Variants in CDK14 observed in about 807,000 individuals in gnomAD.
The protein encoded by CDK14 is cyclin dependent kinase 14.
In CDK14, 34 loss-of-function variants were observed where a neutral mutation model predicts 60.7. The observed-to-expected ratio is 0.56, with a 90% CI of 0.43 to 0.75. The LOEUF is 0.75. CDK14 is among the 30% of genes least tolerant of loss of function. The pLI, the probability that CDK14 is intolerant of heterozygous loss-of-function variation, is 0.00. For missense variants in CDK14, 482 were observed against 564.1 expected (o/e 0.85, Z 1.47); for synonymous variants, 197 against 203.7 (o/e 0.97, Z 0.28).
At chr7:91,009,868 A>G (rs1562866814) in intron 10 of CDK14, among the ~76,000 whole-genome samples, 1 of 152,152 alleles carries the variant, frequency 6.6e-6, no homozygotes, top group Non-Finnish European at 1.5e-5. Context: ...CCATGGTCAC[A>G]AAGATTTTCT....
At chr7:90,785,998 T>C (rs1356817522) in intron 4 of CDK14, among the ~76,000 whole-genome samples, 1 of 152,190 alleles carries the variant, frequency 6.6e-6, no homozygotes, top group Non-Finnish European at 1.5e-5. Flanking sequence ...CCATGTCCTG[T>C]GCATGGAGAT....
At chr7:90,886,641 A>G (rs553457390) in intron 6 of CDK14, among the ~76,000 whole-genome samples, 98 of 152,288 alleles carry the variant, frequency 6.4e-4, no homozygotes, top group African/African-American at 2.3e-3. Context: ...TTCACTGACT[A>G]CCTAACAAGA....
intron 2 of CDK14, among the ~76,000 whole-genome samples, chr7:90,651,364 G>A (rs1005129): frequency 0.76 from 115,666 of 151,792 alleles, 44,666 homozygotes; most frequent in East Asian, 0.96. Flanking sequence ...TTCCACTTAA[G>A]GTTCTAATAC....
At chr7:90,801,068 A>C (rs1788613669) in intron 5 of CDK14, among the ~76,000 whole-genome samples, 1 of 152,202 alleles carries the variant, frequency 6.6e-6, no homozygotes. Flanking sequence ...CCCCATTTGC[A>C]AATAAGGTCA....
chr7:90,822,434 C>T (rs1186160663), intron 5 of CDK14, among the ~76,000 whole-genome samples: 3 of 152,168 alleles, frequency 2.0e-5, no homozygotes, highest in Non-Finnish European at 4.4e-5. Flanking sequence ...CTCCTCTTAT[C>T]TCACTTTAGT....
At chr7:91,195,091 C>A (rs189283174) in intron 14 of CDK14, among the ~76,000 whole-genome samples, 3 of 152,168 alleles carry the variant, frequency 2.0e-5, no homozygotes, top group Non-Finnish European at 4.4e-5. Context: ...TTGTTTTATA[C>A]CAGGAGGAAA....
chr7:90,735,609 G>A (rs1803064174), intron 3 of CDK14, among the ~76,000 whole-genome samples: 3 of 152,216 alleles, frequency 2.0e-5, no homozygotes, highest in Admixed American at 2.0e-4. Flanking sequence ...CCTTCCCGAT[G>A]GCTTTGTTTA....
intron 2 of CDK14, among the ~76,000 whole-genome samples, chr7:90,691,550 G>T (rs576641993): frequency 6.6e-6 from 1 of 152,106 alleles, no homozygotes; most frequent in African/African-American, 2.4e-5. Context: ...ATTGCACAGG[G>T]CCTTGTAGGC....
intron 5 of CDK14, among the ~76,000 whole-genome samples, chr7:90,815,692 A>G (rs1338720856): frequency 2.0e-5 from 3 of 152,238 alleles, no homozygotes; most frequent in African/African-American, 4.8e-5. Flanking sequence ...GATAGACTGG[A>G]TAAAGAAAAT....
intron 2 of CDK14, among the ~76,000 whole-genome samples, chr7:90,639,603 G>T (rs553731840): frequency 6.6e-6 from 1 of 151,076 alleles, no homozygotes; most frequent in South Asian, 2.1e-4. Flanking sequence ...TGAGGAGGCA[G>T]TCTGCCCGTT....
At position 90,645,048 on chromosome 7, in the gene CDK14, A is replaced by G. The variant is rs765778511; in HGVS notation, c.123+40799A>G. Among the ~76,000 whole-genome samples the G allele has an allele frequency of 1.5e-4, 23 of 152,280 alleles. No individual in the cohort carries two copies. In the Middle Eastern group the frequency reaches 0.014, roughly 90 times the overall value. ...TTTATTATTATTTTAGTGAGCACCAAATGTGGTAGACATTTCTGTAGGGCA... is the reference window on the plus strand; with the variant it reads ...TTTATTATTATTTTAGTGAGCACCAGATGTGGTAGACATTTCTGTAGGGCA... On this transcript the variant is annotated intron_variant, in intron 2 of 14. Coordinates refer to ENST00000380050, the MANE Select transcript of CDK14 (RefSeq NM_001287135.2).
Position 91,003,423 on chromosome 7 carries a change from A to G in CDK14, c.1041+19182A>G, listed in dbSNP as rs16868095. Among the ~76,000 whole-genome samples the G allele has an allele frequency of 2.6e-3, 402 of 152,244 alleles. 6 individuals are homozygous for G. The highest frequency in any genetic ancestry group is 9.4e-3 in the African/African-American group (389 of 41,542). On this transcript the variant is annotated intron_variant, in intron 10 of 14. Coordinates refer to ENST00000380050, the MANE Select transcript of CDK14 (RefSeq NM_001287135.2). The stretch of plus-strand genomic sequence containing the variant: ...GCAGCCATGGTGTGTTAGCTAGCGT[A>G]TTGGTTTGCCTACTGAAAAAGAGGC...
intron 11 of CDK14, among the ~76,000 whole-genome samples, chr7:91,075,908 C>T (rs189471796): frequency 6.6e-6 from 1 of 152,126 alleles, no homozygotes; most frequent in East Asian, 1.9e-4. Context: ...ATACAGCTAA[C>T]AAGGGATGTG....
rs372242441 is a variant in CDK14 at position 90,752,879 on chromosome 7, A to C, written c.464+5104A>C. Among the ~76,000 whole-genome samples the C allele has an allele frequency of 1.4e-3, 208 of 152,264 alleles. 9 individuals carry two copies. In the South Asian group the frequency reaches 0.043, roughly 31 times the overall value. On this transcript the variant is annotated intron_variant, in intron 4 of 14. Coordinates refer to ENST00000380050, the MANE Select transcript of CDK14 (RefSeq NM_001287135.2). The stretch of plus-strand genomic sequence containing the variant: ...TATTAGGAACAACTCTATGTATACA[A>C]AGTAGAAAATCTAGAGGAAATTGGT...
intron 2 of CDK14, among the ~76,000 whole-genome samples, chr7:90,674,332 A>G (rs560451184): frequency 1.3e-5 from 2 of 152,288 alleles, no homozygotes; most frequent in East Asian, 3.9e-4. Flanking sequence ...GCTGGGGGCC[A>G]GTTGCTGGGA....
intron 5 of CDK14, among the ~76,000 whole-genome samples, chr7:90,848,943 T>G (rs776410822): frequency 1.1e-4 from 17 of 152,234 alleles, no homozygotes; most frequent in Admixed American, 2.6e-4. Flanking sequence ...TTATGTGTTC[T>G]CCTTCTTGTC....
At chr7:90,706,896 G>A (rs1249882904) in intron 2 of CDK14, among the ~76,000 whole-genome samples, 1 of 152,108 alleles carries the variant, frequency 6.6e-6, no homozygotes, top group Non-Finnish European at 1.5e-5. Context: ...CAAAAGCCTG[G>A]CCCTCTTGCT....
chr7:90,744,810 G>A lies in CDK14; in HGVS notation c.370-2871G>A, dbSNP rs1396053898. On this transcript the variant is annotated intron_variant, in intron 3 of 14. Transcript: ENST00000380050. Reference sequence around the variant, plus strand: ...TGCCGGACGGGGCGGCTGGCCGGGCGGGGGGCTGACGCCCCCACCTCCCTC... The same window carrying A: ...TGCCGGACGGGGCGGCTGGCCGGGCAGGGGGCTGACGCCCCCACCTCCCTC... Among the ~76,000 whole-genome samples, 6 of 101,788 alleles carry A rather than the reference G, an allele frequency of 5.9e-5. 1 individual carries two copies. The highest frequency in any genetic ancestry group is 1.3e-4 in the Non-Finnish European group (6 of 45,470). The allele number at this position is 101,788 out of a possible 152,430, so 66.8% of individuals were successfully genotyped here.
intron 3 of CDK14, among the ~76,000 whole-genome samples, chr7:90,735,022 T>G (rs1469120260): frequency 6.6e-6 from 1 of 152,190 alleles, no homozygotes; most frequent in Non-Finnish European, 1.5e-5. Context: ...TTGTTGATGT[T>G]GATGCTGTTC....
Sources: allele counts gnomAD v4.1 joint callset (sites outside exome capture counted in the v4.1 genomes callset), GRCh38; gene constraint gnomAD v4.1.1; transcripts MANE v1.5; gene names NCBI Gene and HGNC (gene_info 2026-07-23, HGNC 2026-07-21).